Variants in STT3B observed in about 807,000 individuals in gnomAD.
STT3B encodes dolichyl-diphosphooligosaccharide--protein glycosyltransferase subunit STT3B.
In STT3B, 29 loss-of-function variants were observed where a neutral mutation model predicts 96.8. The ratio of observed to expected loss-of-function variants is 0.30; its 90% CI spans 0.22 to 0.41. The LOEUF (loss-of-function observed/expected upper bound fraction) is 0.41. Among genes scored for constraint, STT3B ranks in the 10% least tolerant of loss-of-function variants. STT3B has a pLI of 1.00. For missense variants in STT3B, 640 were observed against 1,022.3 expected (o/e 0.63, Z 5.10); for synonymous variants, 367 against 360.0 (o/e 1.02, Z -0.22).
At chr3:31,595,068 CTG>C (rs1029693345) in intron 3 of STT3B, among the ~76,000 whole-genome samples, 4 of 152,148 alleles carry the variant, frequency 2.6e-5, no homozygotes, top group African/African-American at 9.7e-5. Context: ...CAAAATGTGA[CTG>C]GACAAAAAGA....
intron 1 of STT3B, among the ~76,000 whole-genome samples, chr3:31,543,934 G>T (rs535310205): frequency 1.4e-4 from 22 of 152,120 alleles, no homozygotes; most frequent in Non-Finnish European, 2.8e-4. Context: ...AACCATATGA[G>T]TTATGAAAGT....
At chr3:31,620,641 A>G (rs1484857918) in intron 9 of STT3B, among the ~76,000 whole-genome samples, 1 of 152,376 alleles carries the variant, frequency 6.6e-6, no homozygotes, top group East Asian at 1.9e-4. Context: ...TATTTCTAAT[A>G]TAAGTGGACA....
At chr3:31,578,451 T>A (rs1209981434) in intron 2 of STT3B, among the ~76,000 whole-genome samples, 6 of 152,152 alleles carry the variant, frequency 3.9e-5, no homozygotes, top group African/African-American at 1.4e-4. Flanking sequence ...TTTGGTTCTT[T>A]CATTTAGTAC....
At chr3:31,578,554 CTT>C (rs1487727128) in intron 2 of STT3B, among the ~76,000 whole-genome samples, 4 of 150,378 alleles carry the variant, frequency 2.7e-5, no homozygotes, top group African/African-American at 9.8e-5. Context: ...TTTAAATTCA[CTT>C]TGTTTTTTTT....
At chr3:31,624,762 C>A in intron 11 of STT3B, 152 bp from the exon 12 acceptor site, 2 of 507,308 alleles carry the variant, frequency 3.9e-6, no homozygotes, top group Non-Finnish European at 3.4e-6. Context: ...TTCATTGTTT[C>A]ACTTTTTTTT....
chr3:31,586,742 A>G (rs575569433), intron 3 of STT3B, among the ~76,000 whole-genome samples: 4 of 152,264 alleles, frequency 2.6e-5, no homozygotes, highest in South Asian at 2.1e-4. Context: ...GTCTGTCTAT[A>G]TAACAATACC....
At chr3:31,538,198 G>A (rs558973929) in intron 1 of STT3B, among the ~76,000 whole-genome samples, 1 of 152,198 alleles carries the variant, frequency 6.6e-6, no homozygotes, top group East Asian at 1.9e-4. Flanking sequence ...TTTAAATCCT[G>A]CTTGTAGACA....
intron 1 of STT3B, among the ~76,000 whole-genome samples, chr3:31,555,179 C>G (rs181645173): frequency 5.9e-5 from 9 of 152,212 alleles, no homozygotes; most frequent in African/African-American, 2.2e-4. Context: ...AATATATATC[C>G]TTCTTGGCAA....
chr3:31,628,563 C>G (rs1290113224), intron 13 of STT3B, among the ~76,000 whole-genome samples: 1 of 152,074 alleles, frequency 6.6e-6, no homozygotes, highest in Non-Finnish European at 1.5e-5. Flanking sequence ...ATTTCTGACT[C>G]AGAAATTACA....
At chr3:31,616,840 G>T in intron 6 of STT3B, 89 bp from the exon 7 acceptor site, 1 of 1,176,762 alleles carries the variant, frequency 8.5e-7, no homozygotes, top group Non-Finnish European at 1.2e-6. Context: ...GAATGGTGCA[G>T]GACATTCTAA....
chr3:31,605,346 T>A (rs1286002254), intron 5 of STT3B, among the ~76,000 whole-genome samples: 1 of 152,192 alleles, frequency 6.6e-6, no homozygotes, highest in African/African-American at 2.4e-5. Context: ...TTTATAATTT[T>A]AAAATTTGAT....
At chr3:31,597,271 TGCCTCAGCCTTCTGAGTAGC>T (rs1162988465) in intron 4 of STT3B, among the ~76,000 whole-genome samples, 2 of 152,080 alleles carry the variant, frequency 1.3e-5, no homozygotes, top group African/African-American at 4.8e-5. Context: ...GCAATTCTCC[TGCCTCAGCCTTCTGAGTAGC>T]TGGGATTACA....
intron 8 of STT3B, among the ~76,000 whole-genome samples, chr3:31,618,923 G>A (rs1699370888): frequency 6.6e-6 from 1 of 151,154 alleles, no homozygotes; most frequent in South Asian, 2.1e-4. Context: ...TAACTGTAAA[G>A]TAAAATTGTA....
intron 5 of STT3B, 143 bp downstream of exon 5, chr3:31,600,602 AAGGTC>A (rs1698907311): frequency 2.5e-6 from 1 of 405,130 alleles, no homozygotes; most frequent in South Asian, 8.3e-5. Flanking sequence ...TTATATTGAT[AAGGTC>A]AGGCATTTTT....
intron 5 of STT3B, among the ~76,000 whole-genome samples, chr3:31,605,050 A>G (rs1436453252): frequency 6.6e-6 from 1 of 152,226 alleles, no homozygotes; most frequent in Non-Finnish European, 1.5e-5. Context: ...GATGAACACA[A>G]AAAAATACTA....
chr3:31,541,076 A>T (rs1697253908), intron 1 of STT3B, among the ~76,000 whole-genome samples: 1 of 152,248 alleles, frequency 6.6e-6, no homozygotes, highest in African/African-American at 2.4e-5. Context: ...GTACAGTTAT[A>T]TTCTTTGAAA....
chr3:31,581,996 ACT>A (rs1034390559), intron 3 of STT3B, among the ~76,000 whole-genome samples: 3 of 152,198 alleles, frequency 2.0e-5, no homozygotes, highest in South Asian at 4.1e-4. Flanking sequence ...ACTTGATAAT[ACT>A]CTCTTAAAAT....
At chr3:31,591,219 A>AGT (rs1315260320) in intron 3 of STT3B, among the ~76,000 whole-genome samples, 1 of 152,056 alleles carries the variant, frequency 6.6e-6, no homozygotes, top group Non-Finnish European at 1.5e-5. Context: ...ATTATAGTGA[A>AGT]GTAGTTCTCT....
chr3:31,594,495 C>T (rs1698742377), intron 3 of STT3B, among the ~76,000 whole-genome samples: 1 of 151,428 alleles, frequency 6.6e-6, no homozygotes, highest in Admixed American at 6.6e-5. Context: ...AGTGGTGTGA[C>T]CTCAGGTCAC....
Sources: allele counts gnomAD v4.1 joint callset (sites outside exome capture counted in the v4.1 genomes callset), GRCh38; gene constraint gnomAD v4.1.1; transcripts MANE v1.5; gene names NCBI Gene and HGNC (gene_info 2026-07-23, HGNC 2026-07-21).